KDM6A: variants seen among roughly 807,000 people sequenced by gnomAD.
The protein encoded by KDM6A is lysine-specific demethylase 6A.
In KDM6A, 11 loss-of-function variants were observed where a neutral mutation model predicts 117.6. The ratio of observed to expected loss-of-function variants is 0.09; its 90% CI spans 0.06 to 0.15. The LOEUF is 0.15. Ranked by LOEUF, KDM6A falls within the 10% of genes least tolerant of loss-of-function variation. KDM6A has a pLI of 1.00. For missense variants in KDM6A, 799 were observed against 1,077.3 expected, an observed-to-expected ratio of 0.74 and a Z score of 3.62; for synonymous variants, 384 against 396.1, an observed-to-expected ratio of 0.97 and a Z score of 0.36.
In KDM6A at chrX:45,107,060, G is replaced by T. The variant is rs150395918; in HGVS notation, c.4035-350G>T. 447 of 193,620 alleles carry T rather than the reference G, an allele frequency of 2.3e-3. 1 individual carries two copies. Among genetic ancestry groups the T allele is most frequent in the Non-Finnish European group, 3.5e-3 (377 of 107,305 alleles). 16.0% of individuals were successfully genotyped at this position (193,620 alleles called of 1,213,427 possible). On this transcript the variant is annotated intron_variant, in intron 27 of 29. Transcript: ENST00000611820. ...TGGAATTCATACCCCTTATTTCACG[G>T]ATGAGGAAATTGACTCCCAGAGAGG...
intron 8 of KDM6A, 80 bp downstream of exon 8, chrX:45,037,769 G>A: frequency 1.2e-6 from 1 of 801,990 alleles, no homozygotes; most frequent in Admixed American, 2.3e-5. Context: ...GAAATCAGAA[G>A]TGTACAGATA....
At chrX:44,892,949 G>T (rs905424493) in intron 2 of KDM6A, among the ~76,000 whole-genome samples, 2 of 103,306 alleles carry the variant, frequency 1.9e-5, no homozygotes, top group African/African-American at 3.6e-5. Flanking sequence ...GTTGCAGTGA[G>T]CTGAGATCGT....
At chrX:44,904,353 C>A (rs967021099) in intron 2 of KDM6A, among the ~76,000 whole-genome samples, 1 of 111,757 alleles carries the variant, frequency 8.9e-6, no homozygotes, top group East Asian at 2.8e-4. Context: ...CTGGGGACTT[C>A]TCAGATTTTT....
At chrX:45,045,943 T>C (rs182513258) in intron 8 of KDM6A, among the ~76,000 whole-genome samples, 117 of 112,037 alleles carry the variant, frequency 1.0e-3, no homozygotes, top group African/African-American at 3.6e-3. Context: ...ACAGTCATAC[T>C]GTTTTTCCTT....
chrX:44,904,866 C>T (rs1008506507), intron 2 of KDM6A, among the ~76,000 whole-genome samples: 1 of 111,883 alleles, frequency 8.9e-6, no homozygotes, highest in Non-Finnish European at 1.9e-5. Flanking sequence ...AAGATTTGGC[C>T]ATTTTTCTTC....
At chrX:44,887,346 A>T (rs1362006864) in intron 2 of KDM6A, among the ~76,000 whole-genome samples, 1 of 111,531 alleles carries the variant, frequency 9.0e-6, no homozygotes, top group African/African-American at 3.3e-5. Flanking sequence ...TTTATATATG[A>T]TTTCAGAGAG....
In KDM6A at chrX:44,886,862, G is replaced by A. The variant is rs57646470; in HGVS notation, c.225+12875G>A. 4.8e-3 allele frequency among the ~76,000 whole-genome samples: 530 copies of A among 110,148 alleles called. 3 individuals are homozygous for A. Among genetic ancestry groups the A allele is most frequent in the African/African-American group, 0.017 (503 of 30,353 alleles). On this transcript the variant is annotated intron_variant, in intron 2 of 29. Coordinates refer to ENST00000611820, the MANE Select transcript of KDM6A (RefSeq NM_001291415.2). ...TTCTTGGTTTTTATTATAGAAAAGA[G>A]AAAATAGGTAAATTTGGGTTCTTGA...
intron 27 of KDM6A, among the ~76,000 whole-genome samples, chrX:45,092,266 C>T (rs771502013): frequency 9.0e-6 from 1 of 111,332 alleles, no homozygotes; most frequent in South Asian, 3.7e-4. Context: ...GTTCAAGGTA[C>T]AAGCCATTTA....
intron 6 of KDM6A, among the ~76,000 whole-genome samples, chrX:45,028,929 G>A (rs1477204207): frequency 8.9e-6 from 1 of 112,340 alleles, no homozygotes; most frequent in East Asian, 2.8e-4. Context: ...GCTCATATAT[G>A]TGCAGTAACA....
intron 6 of KDM6A, among the ~76,000 whole-genome samples, chrX:45,021,227 CGTT>C (rs1720781409): frequency 9.0e-6 from 1 of 111,573 alleles, no homozygotes; most frequent in Non-Finnish European, 1.9e-5. Context: ...TGAGCATAAA[CGTT>C]GTGGGAAAAG....
chrX:44,980,343 G>A (rs2039838306), intron 4 of KDM6A, among the ~76,000 whole-genome samples: 1 of 111,142 alleles, frequency 9.0e-6, no homozygotes, highest in Non-Finnish European at 1.9e-5. Flanking sequence ...GTTTTTCTAG[G>A]TCTTTTGCCT....
chrX:45,056,467 A>T (rs1006680103), intron 10 of KDM6A, among the ~76,000 whole-genome samples: 3 of 112,016 alleles, frequency 2.7e-5, no homozygotes, highest in African/African-American at 9.7e-5. Flanking sequence ...TCAAAGTAAA[A>T]TTGTAATGTG....
intron 4 of KDM6A, among the ~76,000 whole-genome samples, chrX:45,001,423 A>G (rs1431165359): frequency 9.0e-6 from 1 of 111,582 alleles, no homozygotes; most frequent in Non-Finnish European, 1.9e-5. Flanking sequence ...CTACAGCATA[A>G]AAGCTCTGCA....
rs898653499 is a variant in KDM6A, at chrX:44,876,970, AATACGTATATACACGTATACGC to A, written c.225+2998_225+3019del. On this transcript the variant is annotated intron_variant, in intron 2 of 29. Coordinates refer to ENST00000611820, the MANE Select transcript of KDM6A (RefSeq NM_001291415.2). ...GTATACGTATATACGCACGTATATGAATACGTATATACACGTATACGCATACGTATATACACACGTATACGTG... is the reference window on the plus strand; with the variant it reads ...GTATACGTATATACGCACGTATATGAATACGTATATACACACGTATACGTG... Among the ~76,000 whole-genome samples the A allele has an allele frequency of 1.4e-4, 11 of 81,450 alleles. No homozygotes were observed. The South Asian group carries it at 3.0e-3, about 22-fold the overall frequency. 70.7% of individuals were successfully genotyped at this position (81,450 alleles called of 115,157 possible).
intron 2 of KDM6A, among the ~76,000 whole-genome samples, chrX:44,927,542 C>T (rs1232752382): frequency 9.1e-6 from 1 of 110,407 alleles, no homozygotes; most frequent in Non-Finnish European, 1.9e-5. Flanking sequence ...GCTGCACATG[C>T]TCAGGAGAGA....
intron 16 of KDM6A, 23 bp from the exon 17 acceptor site, chrX:45,063,399 C>T: frequency 8.4e-7 from 1 of 1,196,673 alleles, no homozygotes; most frequent in South Asian, 1.8e-5. Context: ...CCAGCATTTA[C>T]TTTTCCTTTG....
intron 21 of KDM6A, 91 bp downstream of exon 21, chrX:45,079,442 T>TCATC (rs2045288513): frequency 1.6e-6 from 1 of 626,227 alleles, no homozygotes; most frequent in South Asian, 2.6e-5. Context: ...TATATGCATC[T>TCATC]CATCATTTTA....
At chrX:44,944,104 C>T (rs1171994243) in intron 2 of KDM6A, among the ~76,000 whole-genome samples, 3 of 111,343 alleles carry the variant, frequency 2.7e-5, no homozygotes, top group African/African-American at 9.8e-5. Flanking sequence ...GTAATCCCAG[C>T]GCTTTGAGAG....
intron 6 of KDM6A, among the ~76,000 whole-genome samples, chrX:45,028,486 C>A (rs1298540011): frequency 8.9e-6 from 1 of 112,019 alleles, no homozygotes; most frequent in African/African-American, 3.2e-5. Flanking sequence ...GAGGAAACTG[C>A]AACCCAGTTT....
Sources: allele counts gnomAD v4.1 joint callset (sites outside exome capture counted in the v4.1 genomes callset), GRCh38; gene constraint gnomAD v4.1.1; transcripts MANE v1.5; gene names NCBI Gene and HGNC (gene_info 2026-07-23, HGNC 2026-07-21).